The following CSMD1 variants were observed in gnomAD, a reference collection of about 807,000 sequenced individuals.
The protein encoded by CSMD1 is CUB and sushi domain-containing protein 1.
In CSMD1, 213 loss-of-function variants were observed where a neutral mutation model predicts 417.5. The ratio of observed to expected loss-of-function variants is 0.51; its 90% CI spans 0.46 to 0.57. The LOEUF (loss-of-function observed/expected upper bound fraction) is 0.57, where lower values mean the gene tolerates loss of function less well. CSMD1 is among the 20% of genes least tolerant of loss of function. The pLI is 0.00. For synonymous variants in CSMD1, 2,862 were observed against 1,736.8 expected (o/e 1.65, Z -16.11); for missense variants, 6,923 against 4,529.7 (o/e 1.53, Z -15.17).
At chr8:4,928,265 C>G (rs180716457) in intron 1 of CSMD1, among the ~76,000 whole-genome samples, 2 of 152,312 alleles carry the variant, frequency 1.3e-5, no homozygotes, top group Non-Finnish European at 1.5e-5. Context: ...CCCCACTCAT[C>G]AGAACAAACT....
intron 3 of CSMD1, among the ~76,000 whole-genome samples, chr8:4,119,924 G>T (rs1308437827): frequency 6.7e-6 from 1 of 148,528 alleles, no homozygotes; most frequent in Admixed American, 6.9e-5. Context: ...GGGAGGGTGA[G>T]AGGAGCTGGG....
At chr8:4,465,707 T>TGGAA (rs1456333622) in intron 2 of CSMD1, among the ~76,000 whole-genome samples, 3 of 152,114 alleles carry the variant, frequency 2.0e-5, no homozygotes, top group African/African-American at 7.2e-5. Flanking sequence ...GGAAGAAGAA[T>TGGAA]GGTAGGAAAG....
chr8:4,081,777 C>T (rs1324032652), intron 3 of CSMD1, among the ~76,000 whole-genome samples: 1 of 151,964 alleles, frequency 6.6e-6, no homozygotes, highest in African/African-American at 2.4e-5. Context: ...ATCTGGAAAC[C>T]AAGCAAAACA....
chr8:3,451,658 C>A (rs1051071906), intron 12 of CSMD1, among the ~76,000 whole-genome samples: 1 of 152,116 alleles, frequency 6.6e-6, no homozygotes, highest in Admixed American at 6.6e-5. Context: ...GGGCTCTGTT[C>A]TGTTCCATTG....
At chr8:3,213,960 C>G (rs1328317379) in intron 30 of CSMD1, among the ~76,000 whole-genome samples, 5 of 151,778 alleles carry the variant, frequency 3.3e-5, no homozygotes, top group Non-Finnish European at 7.4e-5. Context: ...ATTCTCCTGC[C>G]TCACCCTACT....
At chr8:3,945,856 A>T (rs1265942172) in intron 5 of CSMD1, among the ~76,000 whole-genome samples, 1 of 152,106 alleles carries the variant, frequency 6.6e-6, no homozygotes, top group Non-Finnish European at 1.5e-5. Flanking sequence ...ATTGTAGTGA[A>T]TCATTATTCC....
At chr8:4,606,551 G>A (rs557357475) in intron 2 of CSMD1, among the ~76,000 whole-genome samples, 42 of 152,274 alleles carry the variant, frequency 2.8e-4, no homozygotes, top group Non-Finnish European at 5.9e-5. Context: ...GCTGTCAGCT[G>A]CTGAAACACA....
chr8:3,807,135 G>T (rs1050752871), intron 5 of CSMD1, among the ~76,000 whole-genome samples: 22 of 152,228 alleles, frequency 1.4e-4, no homozygotes, highest in African/African-American at 4.8e-4. Context: ...ATTTCCTAAA[G>T]AAAAGTTTAA....
intron 3 of CSMD1, among the ~76,000 whole-genome samples, chr8:4,092,827 G>A (rs934716464): frequency 4.0e-5 from 6 of 151,648 alleles, no homozygotes; most frequent in Non-Finnish European, 4.4e-5. Flanking sequence ...AATTTGTTTT[G>A]ATCAAAGCAC....
At chr8:4,405,560 A>G (rs1001127500) in intron 3 of CSMD1, among the ~76,000 whole-genome samples, 1 of 152,226 alleles carries the variant, frequency 6.6e-6, no homozygotes, top group Admixed American at 6.5e-5. Flanking sequence ...ATCACCATGG[A>G]TTCAGAAATA....
At chr8:4,154,571 G>A (rs909136490) in intron 3 of CSMD1, among the ~76,000 whole-genome samples, 4 of 152,162 alleles carry the variant, frequency 2.6e-5, no homozygotes, top group African/African-American at 9.7e-5. Flanking sequence ...CGTGAGCTGG[G>A]CCAAGAGGTG....
chr8:3,511,251 G>A (rs2117395417), intron 10 of CSMD1, among the ~76,000 whole-genome samples: 1 of 151,828 alleles, frequency 6.6e-6, no homozygotes, highest in Middle Eastern at 3.4e-3. Context: ...GCTAGGGAAT[G>A]AATAGCATTA....
At chr8:3,722,160 T>A (rs931161196) in intron 6 of CSMD1, among the ~76,000 whole-genome samples, 1 of 151,920 alleles carries the variant, frequency 6.6e-6, no homozygotes, top group African/African-American at 2.4e-5. Flanking sequence ...AATGCAAAAA[T>A]TAGCTGGGCA....
chr8:4,774,550 A>G (rs2117161244), intron 1 of CSMD1, among the ~76,000 whole-genome samples: 1 of 152,356 alleles, frequency 6.6e-6, no homozygotes, highest in Non-Finnish European at 1.5e-5. Context: ...GCAGACATAT[A>G]GACATTCTGA....
At chr8:3,256,099 A>C (rs1482569008) in intron 26 of CSMD1, among the ~76,000 whole-genome samples, 2 of 152,236 alleles carry the variant, frequency 1.3e-5, no homozygotes, top group South Asian at 2.1e-4. Context: ...GGGCTGAGGC[A>C]GACCAATCAC....
chr8:4,161,467 C>G (rs1012780387), intron 3 of CSMD1, among the ~76,000 whole-genome samples: 1 of 152,162 alleles, frequency 6.6e-6, no homozygotes, highest in African/African-American at 2.4e-5. Flanking sequence ...GAATGGCTTA[C>G]TCAAGGTCAT....
chr8:4,386,809 G>A (rs1275227113), intron 3 of CSMD1, among the ~76,000 whole-genome samples: 2 of 152,146 alleles, frequency 1.3e-5, no homozygotes, highest in African/African-American at 4.8e-5. Flanking sequence ...AATATTCTGG[G>A]CTCTTGGGAT....
intron 3 of CSMD1, among the ~76,000 whole-genome samples, chr8:4,390,497 T>TTTTTTATTTATTTATTTATTTA (rs58291340): frequency 8.5e-5 from 12 of 140,364 alleles, no homozygotes; most frequent in Middle Eastern, 3.7e-3. Flanking sequence ...AAGCGTCCAT[T>TTTTTTATTTATTTATTTATTTA]TTTATTTATT....
At chr8:3,735,837 G>A (rs1370577816) in intron 6 of CSMD1, among the ~76,000 whole-genome samples, 1 of 152,138 alleles carries the variant, frequency 6.6e-6, no homozygotes, top group African/African-American at 2.4e-5. Context: ...TTGAAAATAT[G>A]CATTGATTTC....
Sources: gnomAD v4.1 joint callset for allele counts (sites outside exome capture counted in the v4.1 genomes callset) on GRCh38, gnomAD v4.1.1 for gene constraint, MANE v1.5 for transcripts, NCBI Gene and HGNC (gene_info 2026-07-23, HGNC 2026-07-21) for gene names.